Variants in ZNF117 observed in about 807,000 individuals in gnomAD.
ZNF117 encodes Krueppel-related zinc finger protein.
Under a neutral mutation model 41.2 loss-of-function variants are expected in ZNF117, and 37 were observed. That is an observed-to-expected ratio of 0.90 (90% CI 0.69 to 1.18). The LOEUF is 1.18. ZNF117 is among the 50% of genes most tolerant of loss of function. The probability of loss-of-function intolerance (pLI) is 0.00; values close to 1 mark genes in which losing one functional copy is unlikely to be tolerated. For synonymous variants in ZNF117, 186 were observed against 186.6 expected (o/e 1.00, Z 0.02); for missense variants, 546 against 557.5 (o/e 0.98, Z 0.21).
exon 3 of ZNF117, chr7:64,979,112 A>G (rs779624858): frequency 6.2e-7 from 1 of 1,612,694 alleles, no homozygotes; most frequent in South Asian, 1.1e-5. Flanking sequence ...TCTTATGTTT[A>G]TTAAGGGTTG....
chr7:64,975,193 C>T (rs78194164), exon 3 of ZNF117: 1 of 151,758 alleles, frequency 6.6e-6, no homozygotes, highest in African/African-American at 2.4e-5. Context: ...TAATACTTCA[C>T]TGAATGCACA....
chr7:64,980,057 A>G (rs1785992648), intron 2 of ZNF117: 1 of 153,544 alleles, frequency 6.5e-6, no homozygotes, highest in African/African-American at 2.4e-5. Context: ...TTACAGCAGG[A>G]AAGAGACTGT....
exon 3 of ZNF117, chr7:64,977,829 C>G (rs532736540): frequency 1.8e-6 from 2 of 1,085,328 alleles, no homozygotes; most frequent in Non-Finnish European, 2.8e-6. Context: ...GGGTTTCTCT[C>G]CAATATGAAT....
chr7:64,984,148 T>C (rs1450551043), upstream of ZNF117, among the ~76,000 whole-genome samples: 4 of 152,224 alleles, frequency 2.6e-5, no homozygotes, highest in African/African-American at 7.2e-5. Context: ...CTTTTTTTTT[T>C]TGAGACGGAG....
At chr7:64,985,065 T>C (rs1349638845), upstream of ZNF117, among the ~76,000 whole-genome samples, 1 of 152,224 alleles carries the variant, frequency 6.6e-6, no homozygotes, top group Admixed American at 6.5e-5. Flanking sequence ...GTGCAGGGAT[T>C]ACAGGCATGA....
chr7:64,978,587 A>C (rs1180879499), exon 3 of ZNF117: 3 of 1,612,922 alleles, frequency 1.9e-6, no homozygotes, highest in East Asian at 2.2e-5. Flanking sequence ...GTTTCTCTCC[A>C]GTATGAATTT....
At chr7:64,989,491 A>ATATATATATATG (rs1786214762) in intron 1 of ZNF117, among the ~76,000 whole-genome samples, 1 of 111,732 alleles carries the variant, frequency 8.9e-6, no homozygotes, top group African/African-American at 3.2e-5. Flanking sequence ...ATATATATAT[A>ATATATATATATG]TATATATAAA....
At chr7:64,976,604 A>T (rs1043071554) in exon 3 of ZNF117, 1 of 262,134 alleles carries the variant, frequency 3.8e-6, no homozygotes, top group East Asian at 1.1e-4. Flanking sequence ...CCTGTGCTAT[A>T]AGGTGTGAAA....
chr7:64,979,092 G>A (rs1785966123), exon 3 of ZNF117: 3 of 1,612,948 alleles, frequency 1.9e-6, no homozygotes, highest in Admixed American at 1.7e-5. Flanking sequence ...TTTTTCTCCA[G>A]TATGAATTCT....
chr7:64,985,418 T>G (rs1786114071), upstream of ZNF117, among the ~76,000 whole-genome samples: 1 of 152,178 alleles, frequency 6.6e-6, no homozygotes, highest in Admixed American at 6.5e-5. Flanking sequence ...TAATCCTATC[T>G]TCATGCTCAA....
chr7:64,984,786 T>C (rs1464351490), upstream of ZNF117, among the ~76,000 whole-genome samples: 5 of 152,148 alleles, frequency 3.3e-5, no homozygotes, highest in Non-Finnish European at 5.9e-5. Flanking sequence ...AATATAACAT[T>C]ATTTTTTGTT....
exon 3 of ZNF117, chr7:64,977,251 T>C (rs1785912188): frequency 2.4e-6 from 1 of 414,532 alleles, no homozygotes; most frequent in East Asian, 6.7e-5. Context: ...CCTGTATGAA[T>C]TTTTTTATGG....
chr7:64,976,220 T>A (rs1266623176), exon 3 of ZNF117: 2 of 152,292 alleles, frequency 1.3e-5, no homozygotes, highest in African/African-American at 4.8e-5. Flanking sequence ...GGCATGTGGA[T>A]CACTTGAGGT....
chr7:64,975,129 A>G (rs957488067), exon 3 of ZNF117: 1 of 151,968 alleles, frequency 6.6e-6, no homozygotes, highest in African/African-American at 2.4e-5. Flanking sequence ...CATTGTTACT[A>G]TCTTTTACCA....
intron 2 of ZNF117, chr7:64,980,739 T>C (rs905787389): frequency 1.3e-5 from 2 of 151,898 alleles, no homozygotes; most frequent in Non-Finnish European, 2.9e-5. Flanking sequence ...CAAGAAAATT[T>C]GCAGGCCAGA....
At chr7:64,978,872 G>A (rs1257004977) in exon 3 of ZNF117, 3 of 1,613,398 alleles carry the variant, frequency 1.9e-6, no homozygotes, top group South Asian at 2.2e-5. Context: ...TAAGCTTTGA[G>A]GCTTGGTTAA....
At chr7:64,973,521 C>T (rs1321560558), downstream of ZNF117, 1 of 151,914 alleles carries the variant, frequency 6.6e-6, no homozygotes, top group Non-Finnish European at 1.5e-5. Context: ...ATCCTCTCAC[C>T]TGTGGACAAT....
Position 64,982,092 on chromosome 7 carries a change from C to T in ZNF117, c.-171G>A. The stretch of plus-strand genomic sequence containing the variant: ...CACTCCTCCAAAGAGAATTCTATGG[C>T]CACATCCATAAATGTCAATGGTCCC... On this transcript the variant is annotated 5_prime_UTR_variant, in exon 1 of 3. An upstream open reading frame in the 5' UTR gains an earlier in-frame stop. Coordinates refer to ENST00000620222, the Ensembl canonical transcript of ZNF117. The T allele has an allele frequency of 1.0e-6, 1 of 964,378 alleles. No homozygotes were observed. Among genetic ancestry groups the T allele is most frequent in the South Asian group, 1.3e-5 (1 of 74,280 alleles). The allele number at this position is 964,378 out of a possible 1,614,324, so 59.7% of individuals were successfully genotyped here. A position where few individuals can be genotyped will look rare whatever the true frequency, so the allele number is the denominator to read the frequency against.
intron 2 of ZNF117, 116 bp from the exon 4 acceptor site, chr7:64,979,652 C>A (rs1185974479): frequency 6.7e-6 from 5 of 750,508 alleles, no homozygotes; most frequent in African/African-American, 1.8e-5. Flanking sequence ...TAGCAAAATA[C>A]CACAGGTTCT....
Sources: allele counts gnomAD v4.1 joint callset (sites outside exome capture counted in the v4.1 genomes callset), GRCh38; gene constraint gnomAD v4.1.1; transcripts MANE v1.5; gene names NCBI Gene and HGNC (gene_info 2026-07-23, HGNC 2026-07-21).